Variants in SBF2 observed in about 807,000 individuals in gnomAD.
SBF2 encodes myotubularin-related protein 13.
In SBF2, 112 loss-of-function variants were observed where a neutral mutation model predicts 225.2. The ratio of observed to expected loss-of-function variants is 0.50; its 90% CI spans 0.43 to 0.58. The LOEUF is 0.58. SBF2 is among the 20% of genes least tolerant of loss of function. SBF2 has a pLI of 0.00. For synonymous variants in SBF2, 763 were observed against 773.3 expected (o/e 0.99, Z 0.22); for missense variants, 1,996 against 2,206.2 (o/e 0.90, Z 1.91).
Position 9,856,541 on chromosome 11 carries a change from T to C in SBF2, c.2280A>G (p.Pro760=). The stretch of plus-strand genomic sequence containing the variant: ...GGAGCTTGTTTTTACTTGTGTCGAG[T>C]GGAACTAGCAGGTTCACCATGAGGT... ...FANLMVNLLV[P]LDTSKNKLLR... The change falls in exon 19 of 40, where the codon CCA becomes CCG. Residue 760 remains proline (P), a synonymous_variant. Coordinates refer to ENST00000256190, the MANE Select transcript of SBF2 (RefSeq NM_030962.4). 6.2e-7 allele frequency: 1 copy of C among 1,614,106 alleles called. No homozygotes were observed. Among genetic ancestry groups the C allele is most frequent in the Non-Finnish European group, 8.5e-7 (1 of 1,180,014 alleles).
At chr11:9,878,456 G>T (rs185886705) in intron 17 of SBF2, among the ~76,000 whole-genome samples, 1 of 152,262 alleles carries the variant, frequency 6.6e-6, no homozygotes, top group East Asian at 1.9e-4. Flanking sequence ...TTTTAGTCAT[G>T]AAGTCCTTGC....
intron 1 of SBF2, among the ~76,000 whole-genome samples, chr11:10,211,801 A>G (rs1957952753): frequency 6.6e-6 from 1 of 152,216 alleles, no homozygotes; most frequent in Non-Finnish European, 1.5e-5. Flanking sequence ...TAGATTCAGT[A>G]AGGCATTTGA....
At chr11:9,978,981 A>G (rs997974093) in intron 13 of SBF2, among the ~76,000 whole-genome samples, 3 of 152,258 alleles carry the variant, frequency 2.0e-5, no homozygotes, top group Non-Finnish European at 4.4e-5. Context: ...CCTGGGCAAC[A>G]GAGTGAGATC....
At position 9,781,506 on chromosome 11, in the gene SBF2, C is replaced by A; in HGVS notation, c.5451+1G>T. 6.2e-7 allele frequency: 1 copy of A among 1,614,188 alleles called. No individual in the cohort carries two copies. Among genetic ancestry groups the A allele is most frequent in the Non-Finnish European group, 8.5e-7 (1 of 1,180,026 alleles). On this transcript the variant is annotated splice_donor_variant, in intron 39 of 39. Coordinates refer to ENST00000256190, the MANE Select transcript of SBF2 (RefSeq NM_030962.4). LOFTEE classifies it high-confidence loss of function. ...GGAAAAGAGAAGTAAGATCAACTTA[C>A]ATCAAAGAAAGCCTTGTCACTTGTG...
At chr11:10,213,977 G>C (rs1222600548) in intron 1 of SBF2, among the ~76,000 whole-genome samples, 1 of 152,176 alleles carries the variant, frequency 6.6e-6, no homozygotes, top group Non-Finnish European at 1.5e-5. Context: ...GACAGTCCTA[G>C]AGTTATAAGA....
At chr11:10,039,473 T>C (rs185426272) in intron 3 of SBF2, among the ~76,000 whole-genome samples, 40 of 152,004 alleles carry the variant, frequency 2.6e-4, no homozygotes, top group African/African-American at 7.2e-4. Context: ...TACAATTATA[T>C]AGAATCCGGA....
At chr11:10,237,333 C>G (rs564899728) in intron 1 of SBF2, among the ~76,000 whole-genome samples, 2 of 151,808 alleles carry the variant, frequency 1.3e-5, no homozygotes, top group Admixed American at 1.3e-4. Flanking sequence ...AGCAACACAG[C>G]GAGACTCTGT....
intron 16 of SBF2, among the ~76,000 whole-genome samples, chr11:9,922,003 T>C (rs560384358): frequency 6.6e-6 from 1 of 152,150 alleles, no homozygotes; most frequent in African/African-American, 2.4e-5. Context: ...CCTAGTACTT[T>C]AGGAGGCCAA....
intron 1 of SBF2, among the ~76,000 whole-genome samples, chr11:10,221,107 T>C (rs1432669261): frequency 1.3e-5 from 2 of 151,644 alleles, no homozygotes; most frequent in African/African-American, 4.8e-5. Flanking sequence ...TCTTCCCTAC[T>C]AGACTGTTAC....
chr11:9,902,959 TAA>T (rs34639251), intron 16 of SBF2, among the ~76,000 whole-genome samples: 20 of 141,404 alleles, frequency 1.4e-4, no homozygotes, highest in South Asian at 4.4e-4. Context: ...AATAGGAAAA[TAA>T]AAAAAAAAAA....
At chr11:10,157,299 C>T (rs537935525) in intron 2 of SBF2, among the ~76,000 whole-genome samples, 3 of 152,152 alleles carry the variant, frequency 2.0e-5, no homozygotes, top group Admixed American at 1.3e-4. Flanking sequence ...ATACAAAACT[C>T]CAAACCATAA....
chr11:10,224,468 T>G (rs1444632786), intron 1 of SBF2, among the ~76,000 whole-genome samples: 4 of 152,156 alleles, frequency 2.6e-5, no homozygotes, highest in African/African-American at 9.7e-5. Flanking sequence ...AAATCTAAGC[T>G]CCTTACTAAG....
intron 9 of SBF2, among the ~76,000 whole-genome samples, chr11:9,995,049 A>T (rs1036044764): frequency 6.0e-5 from 9 of 151,098 alleles, no homozygotes; most frequent in Non-Finnish European, 1.2e-4. Flanking sequence ...TCAAAAAAAA[A>T]AAAATAAAAA....
chr11:9,840,670 C>T (rs1003114375), intron 25 of SBF2, among the ~76,000 whole-genome samples: 1 of 152,182 alleles, frequency 6.6e-6, no homozygotes, highest in African/African-American at 2.4e-5. Flanking sequence ...TTTCAGTTTA[C>T]TTTTCAGACT....
intron 16 of SBF2, chr11:9,958,790 A>T (rs1866368281): frequency 1.9e-6 from 1 of 517,272 alleles, no homozygotes; most frequent in Admixed American, 2.4e-5. Context: ...ACACGGGCAG[A>T]TGAGGGCTTC....
intron 6 of SBF2, among the ~76,000 whole-genome samples, chr11:10,022,705 A>C (rs1490365487): frequency 6.6e-6 from 1 of 151,952 alleles, no homozygotes. Context: ...TATCACCCAA[A>C]AGTACATCCG....
At chr11:9,814,031 C>T (rs1048995552) in intron 29 of SBF2, among the ~76,000 whole-genome samples, 4 of 151,962 alleles carry the variant, frequency 2.6e-5, no homozygotes, top group African/African-American at 9.7e-5. Flanking sequence ...ATGTATCAAC[C>T]TATATTTATT....
chr11:10,025,225 A>G (rs1451722708), intron 6 of SBF2, among the ~76,000 whole-genome samples: 1 of 152,156 alleles, frequency 6.6e-6, no homozygotes, highest in Non-Finnish European at 1.5e-5. Flanking sequence ...TATGAGATGG[A>G]TAGACAGTAG....
intron 1 of SBF2, among the ~76,000 whole-genome samples, chr11:10,205,593 T>C (rs1957725438): frequency 6.6e-6 from 1 of 151,792 alleles, no homozygotes; most frequent in Non-Finnish European, 1.5e-5. Flanking sequence ...CTCACTCATC[T>C]CCCAGATCAA....
Sources: gnomAD v4.1 joint callset for allele counts (sites outside exome capture counted in the v4.1 genomes callset) on GRCh38, gnomAD v4.1.1 for gene constraint, MANE v1.5 for transcripts, NCBI Gene and HGNC (gene_info 2026-07-23, HGNC 2026-07-21) for gene names.